The following REST variants were observed in gnomAD, a reference collection of about 807,000 sequenced individuals.
REST encodes RE1 silencing transcription factor, also known as RE1-silencing transcription factor.
Under a neutral mutation model 30.4 loss-of-function variants are expected in REST, and 1 was observed. That is an observed-to-expected ratio of 0.03 (90% confidence interval 0.01 to 0.16). REST has a LOEUF of 0.16. REST is among the 10% of genes least tolerant of loss of function. The pLI, the probability that REST is intolerant of heterozygous loss-of-function variation, is 1.00. For synonymous variants in REST, 504 were observed against 451.1 expected (o/e 1.12, Z -1.49); for missense variants, 1,259 against 1,329.5 (o/e 0.95, Z 0.82).
chr4:56,909,866 G>A (rs1307206913), intron 1 of REST, among the ~76,000 whole-genome samples: 2 of 152,212 alleles, frequency 1.3e-5, no homozygotes, highest in Non-Finnish European at 2.9e-5. Context: ...TGAGTTGCAC[G>A]ATGATTTTAT....
At chr4:56,920,066 A>C in intron 3 of REST, 196 bp downstream of exon 3, 1 of 374,144 alleles carries the variant, frequency 2.7e-6, no homozygotes, top group Non-Finnish European at 4.8e-6. Flanking sequence ...TGAAAATGGA[A>C]TTTTTGTGTA....
chr4:56,922,086 T>C (rs1416321580), intron 3 of REST, among the ~76,000 whole-genome samples: 2 of 152,038 alleles, frequency 1.3e-5, no homozygotes, highest in Non-Finnish European at 2.9e-5. Flanking sequence ...CTAATGTACT[T>C]TGAGTGTTTT....
intron 2 of REST, among the ~76,000 whole-genome samples, chr4:56,915,791 G>A (rs1412872872): frequency 6.6e-6 from 1 of 152,056 alleles, no homozygotes; most frequent in African/African-American, 2.4e-5. Context: ...GGCTTAGTGG[G>A]CTTAATTGTG....
intron 3 of REST, among the ~76,000 whole-genome samples, chr4:56,922,614 A>G (rs891807607): frequency 1.3e-5 from 2 of 152,194 alleles, no homozygotes; most frequent in Non-Finnish European, 2.9e-5. Context: ...CTCCCGGCCA[A>G]GAGCTTTATA....
chr4:56,927,496 T>TAG (rs1415367040), intron 3 of REST: 1 of 213,754 alleles, frequency 4.7e-6, no homozygotes, highest in East Asian at 1.7e-4. Context: ...TTTTACCTAA[T>TAG]GTCTGAGTTT....
chr4:56,912,217 T>C (rs555865646), intron 2 of REST, among the ~76,000 whole-genome samples: 1 of 152,318 alleles, frequency 6.6e-6, no homozygotes, highest in Admixed American at 6.5e-5. Context: ...GTGGGTGGGA[T>C]TATCACCAAT....
intron 1 of REST, among the ~76,000 whole-genome samples, 177 bp from the exon 2 acceptor site, chr4:56,910,453 C>G (rs1057441749): frequency 6.6e-6 from 1 of 152,052 alleles, no homozygotes; most frequent in Non-Finnish European, 1.5e-5. Context: ...TTGCAGTAGA[C>G]TATTGGGAAT....
intron 2 of REST, among the ~76,000 whole-genome samples, chr4:56,918,930 C>G (rs1289695548): frequency 1.3e-5 from 2 of 151,480 alleles, no homozygotes; most frequent in Non-Finnish European, 2.9e-5. Flanking sequence ...CTTGGCCTCC[C>G]AAAGTGTTGG....
At position 56,930,055 on chromosome 4, in the gene REST, C is replaced by T. The variant is rs1441805326; in HGVS notation, c.1197C>T (p.Ser399=). 1.2e-6 allele frequency: 2 copies of T among 1,614,054 alleles called. No homozygotes were observed. The highest frequency in any genetic ancestry group is 3.3e-5 in the Admixed American group (2 of 59,994). Residue 399 remains serine, a synonymous_variant, in exon 4 of 4, where the codon TCC becomes TCT. Coordinates refer to ENST00000309042, the MANE Select transcript of REST (RefSeq NM_005612.5). ...FNCPVCDYAA[S]KKCNLQYHFK... is the part of the protein sequence containing the mutation. ...GCCCTGTATGTGACTATGCAGCTTC[C>T]AAGAAGTGTAATCTACAGTATCACT...
chr4:56,911,389 A>G lies in REST; in HGVS notation c.751A>G (p.Ile251Val), dbSNP rs1719902395. Residue 251 changes from isoleucine to valine, a missense_variant, in exon 2 of 4, where the codon ATC (isoleucine) becomes GTC (valine). Coordinates refer to ENST00000309042, the MANE Select transcript of REST (RefSeq NM_005612.5). ...GGATAATGAGCGAGTCTACAAGTGT[A>G]TCATTTGCACATACACAACAGTGAG... The part of the protein sequence containing the change: ...AGDNERVYKC[I>V]ICTYTTVSEY... 8.7e-6 allele frequency: 14 copies of G among 1,614,244 alleles called. No individual in the cohort carries two copies. The highest frequency in any genetic ancestry group is 1.1e-5 in the Non-Finnish European group (13 of 1,180,048).
At position 56,933,097 on chromosome 4, in the gene REST, ATT is replaced by A. The variant is rs1363440298; in HGVS notation, c.*947_*948del. 1.4e-3 allele frequency: 208 copies of A among 152,250 alleles called. No homozygotes were observed. The highest frequency in any genetic ancestry group is 3.8e-3 in the African/African-American group (159 of 41,548). The allele number at this position is 152,250 out of a possible 1,614,324, so 9.4% of individuals were successfully genotyped here. ...AATCTGTATTTCATATAACTTATTT[ATT>A]TCGAATGGATGTAGTAAATTCACAG... is the stretch of plus-strand genomic sequence containing the variant. On this transcript the variant is annotated 3_prime_UTR_variant, in exon 4 of 4. Transcript: ENST00000309042.
At chr4:56,919,506 T>C (rs975918968) in intron 2 of REST, among the ~76,000 whole-genome samples, 2 of 152,264 alleles carry the variant, frequency 1.3e-5, no homozygotes, top group African/African-American at 4.8e-5. Context: ...CACTACTTAA[T>C]GTATTAACAT....
intron 3 of REST, among the ~76,000 whole-genome samples, chr4:56,928,624 C>T (rs1720815738): frequency 6.7e-6 from 1 of 149,574 alleles, no homozygotes; most frequent in African/African-American, 2.5e-5. Context: ...GTCTTACTGT[C>T]GCCCAGGCTG....
In REST at chr4:56,930,824, G is replaced by C. The variant is rs1237525823; in HGVS notation, c.1966G>C (p.Val656Leu). The change falls in exon 4 of 4, where the codon GTG becomes CTG. Residue 656 changes from valine (V) to leucine (L), a missense_variant. Around this residue, in one of 5 missense-constraint regions of REST, gnomAD observed 856 missense variants for 772.8 expected, o/e 1.11. Transcript: ENST00000309042. The part of the protein sequence containing the change: ...PAPDEPVQME[V>L]VQEGPAQKEL... The stretch of plus-strand genomic sequence containing the variant: ...TCCTGACGAGCCTGTTCAGATGGAG[G>C]TGGTTCAGGAGGGGCCTGCTCAGAA... The C allele has an allele frequency of 1.2e-6, 2 of 1,610,768 alleles. No individual in the cohort carries two copies. Among genetic ancestry groups the C allele is most frequent in the Admixed American group, 3.4e-5 (2 of 59,630 alleles).
chr4:56,917,951 C>G (rs1720280091), intron 2 of REST, among the ~76,000 whole-genome samples: 1 of 149,220 alleles, frequency 6.7e-6, no homozygotes, highest in Non-Finnish European at 1.5e-5. Flanking sequence ...ACTCAGGAGG[C>G]TGAGGCAGGA....
chr4:56,931,253 C>G lies in REST; in HGVS notation c.2395C>G (p.Pro799Ala). Residue 799 changes from proline to alanine, a missense_variant, in exon 4 of 4, where the codon CCT becomes GCT. Around this residue, in one of 5 missense-constraint regions of REST, gnomAD observed 856 missense variants for 772.8 expected, o/e 1.11. Coordinates refer to ENST00000309042, the MANE Select transcript of REST (RefSeq NM_005612.5). ...GGAGCCTGCTCAGAGGGAGCCACCT[C>G]CTCCCAGAGAGCCTCCCCTTCACAT... ...QKEPAQREPP[P>A]PREPPLHMEP... The G allele has an allele frequency of 6.2e-7, 1 of 1,614,224 alleles. No homozygotes were observed. The highest frequency in any genetic ancestry group is 8.5e-7 in the Non-Finnish European group (1 of 1,180,040).
At position 56,911,644 on chromosome 4, in the gene REST, C is replaced by T. The variant is rs1719919181; in HGVS notation, c.898+108C>T. 32 of 919,966 alleles carry T rather than the reference C, an allele frequency of 3.5e-5. No homozygotes were observed. In the South Asian group the frequency reaches 5.3e-4, roughly 15 times the overall value. 57.0% of individuals were successfully genotyped at this position (919,966 alleles called of 1,614,324 possible). On this transcript the variant is annotated intron_variant, in intron 2 of 3. Transcript: ENST00000309042. ...AAGGACTCTGGTTCAAATCCAGGTTCCATTTTGCTATCTTTGTGACCTTGC... is the reference window on the plus strand; with the variant it reads ...AAGGACTCTGGTTCAAATCCAGGTTTCATTTTGCTATCTTTGTGACCTTGC...
rs1719702390 is a variant in REST, at chr4:56,908,096, A to G, written c.-127A>G. ...GGCCTTCTTGGTCCACGACGGCCCC[A>G]GCACCCAACTTTACCACCCTCCCCC... On this transcript the variant is annotated 5_prime_UTR_variant, in exon 1 of 4. Coordinates refer to ENST00000309042, the MANE Select transcript of REST (RefSeq NM_005612.5). 3.2e-6 allele frequency: 1 copy of G among 316,736 alleles called. No homozygotes were observed. The highest frequency in any genetic ancestry group is 5.8e-6 in the Non-Finnish European group (1 of 172,722). The allele number at this position is 316,736 out of a possible 1,614,324, so 19.6% of individuals were successfully genotyped here.
intron 2 of REST, among the ~76,000 whole-genome samples, 159 bp from the exon 3 acceptor site, chr4:56,919,628 C>A (rs540142178): frequency 2.0e-5 from 3 of 152,224 alleles, no homozygotes; most frequent in African/African-American, 4.8e-5. Context: ...AAATAACTTA[C>A]ATTTTAAGTA....
Sources: gnomAD v4.1 joint callset for allele counts (sites outside exome capture counted in the v4.1 genomes callset) on GRCh38, gnomAD v4.1.1 for gene constraint, gnomAD v4.1.1 regional missense constraint, MANE v1.5 for transcripts, NCBI Gene and HGNC (gene_info 2026-07-23, HGNC 2026-07-21) for gene names.